HPSE2: variants seen among roughly 807,000 people sequenced by gnomAD.
HPSE2 encodes the protein inactive heparanase-2.
A neutral mutation model predicts 60.5 loss-of-function variants in HPSE2; 38 were observed. The observed-to-expected ratio is 0.63, with a 90% confidence interval of 0.48 to 0.82. The LOEUF is 0.82. Ranked by LOEUF, HPSE2 falls within the 40% of genes least tolerant of loss-of-function variation. HPSE2 has a pLI of 0.00. For synonymous variants in HPSE2, 295 were observed against 293.2 expected, an observed-to-expected ratio of 1.01 and a Z score of -0.06; for missense variants, 713 against 740.4, an observed-to-expected ratio of 0.96 and a Z score of 0.43.
intron 9 of HPSE2, among the ~76,000 whole-genome samples, chr10:98,546,519 T>C (rs1943681500): frequency 1.3e-5 from 2 of 151,892 alleles, no homozygotes; most frequent in Admixed American, 1.3e-4. Context: ...AACTATCTGA[T>C]CTTTGACAAA....
chr10:98,701,870 A>G (rs921244626), intron 5 of HPSE2, among the ~76,000 whole-genome samples: 3 of 152,160 alleles, frequency 2.0e-5, no homozygotes, highest in African/African-American at 7.2e-5. Flanking sequence ...AAATATAAAG[A>G]CCAATGACAC....
At chr10:98,905,213 G>C (rs1450344182) in intron 3 of HPSE2, among the ~76,000 whole-genome samples, 1 of 151,398 alleles carries the variant, frequency 6.6e-6, no homozygotes, top group Non-Finnish European at 1.5e-5. Flanking sequence ...ACATTGTGCA[G>C]TTTAGTTACA....
chr10:99,173,316 A>G (rs1289516004), intron 2 of HPSE2, among the ~76,000 whole-genome samples: 2 of 152,186 alleles, frequency 1.3e-5, no homozygotes, highest in African/African-American at 4.8e-5. Flanking sequence ...ATCTGCCACA[A>G]TAGATTAAGA....
chr10:98,933,766 C>G (rs1478786711), intron 3 of HPSE2, among the ~76,000 whole-genome samples: 6 of 138,740 alleles, frequency 4.3e-5, no homozygotes, highest in Non-Finnish European at 9.1e-5. Flanking sequence ...GAGTCTTGCT[C>G]TTTTGCCCAG....
At chr10:99,281,890 T>G in the HPSE2 span, among the ~76,000 whole-genome samples, 2 of 151,996 alleles carry the variant, frequency 1.3e-5, no homozygotes, top group African/African-American at 4.8e-5. Flanking sequence ...CTATATCCCA[T>G]GCAAACAGTA....
At chr10:98,683,721 C>A (rs1947842903) in intron 6 of HPSE2, among the ~76,000 whole-genome samples, 1 of 151,700 alleles carries the variant, frequency 6.6e-6, no homozygotes, top group Admixed American at 6.6e-5. Context: ...ATAAAAATTT[C>A]AGAAGGAATG....
intron 3 of HPSE2, among the ~76,000 whole-genome samples, chr10:98,958,620 C>A (rs1955569507): frequency 6.6e-6 from 1 of 151,970 alleles, no homozygotes. Flanking sequence ...ACTATAGATT[C>A]TTTAACTAAA....
At chr10:98,985,144 C>G (rs1460103839) in intron 3 of HPSE2, among the ~76,000 whole-genome samples, 1 of 152,142 alleles carries the variant, frequency 6.6e-6, no homozygotes, top group Non-Finnish European at 1.5e-5. Flanking sequence ...CAGAGAACGC[C>G]ACAAAGATAC....
chr10:99,202,294 C>A (rs1237535379), intron 2 of HPSE2, among the ~76,000 whole-genome samples: 5 of 152,098 alleles, frequency 3.3e-5, no homozygotes, highest in Non-Finnish European at 7.4e-5. Flanking sequence ...GGATCGTTAG[C>A]CCCTATTTGG....
At chr10:98,724,077 T>C (rs1048617064) in intron 4 of HPSE2, among the ~76,000 whole-genome samples, 4 of 150,770 alleles carry the variant, frequency 2.7e-5, no homozygotes, top group East Asian at 1.9e-4. Flanking sequence ...TTTTAGATCT[T>C]TCCTGCTTTC....
intron 2 of HPSE2, among the ~76,000 whole-genome samples, chr10:99,165,239 A>C (rs956994683): frequency 5.3e-5 from 8 of 152,120 alleles, no homozygotes; most frequent in African/African-American, 1.9e-4. Context: ...TTGCTAACCC[A>C]TACTCCTTTA....
chr10:98,934,880 T>TAC (rs1954746993), intron 3 of HPSE2, among the ~76,000 whole-genome samples: 1 of 143,676 alleles, frequency 7.0e-6, no homozygotes, highest in Non-Finnish European at 1.5e-5. Flanking sequence ...AAGGGTGTTT[T>TAC]ACAACTTGGT....
intron 3 of HPSE2, among the ~76,000 whole-genome samples, chr10:98,749,860 G>T (rs531224850): frequency 2.1e-5 from 3 of 144,056 alleles, no homozygotes; most frequent in African/African-American, 7.6e-5. Context: ...GAGTTTATTG[G>T]GACATAACCT....
intron 3 of HPSE2, among the ~76,000 whole-genome samples, chr10:99,107,406 T>C (rs988753501): frequency 1.3e-5 from 2 of 152,178 alleles, no homozygotes; most frequent in African/African-American, 2.4e-5. Context: ...TTCTAGCCCT[T>C]TATCATGTCT....
chr10:98,558,245 C>T (rs1188730451), intron 9 of HPSE2, among the ~76,000 whole-genome samples: 3 of 152,112 alleles, frequency 2.0e-5, no homozygotes, highest in Non-Finnish European at 4.4e-5. Flanking sequence ...GTTCTATGAT[C>T]CTGCTACTCC....
intron 3 of HPSE2, among the ~76,000 whole-genome samples, chr10:99,105,072 AAAAAG>A (rs1454551360): frequency 2.6e-5 from 4 of 151,774 alleles, no homozygotes; most frequent in African/African-American, 9.7e-5. Flanking sequence ...AAAAAAAAAA[AAAAAG>A]AAAAGCTAGG....
chr10:99,020,288 AACT>A (rs1464694800), intron 3 of HPSE2, among the ~76,000 whole-genome samples: 1 of 152,002 alleles, frequency 6.6e-6, no homozygotes, highest in African/African-American at 2.4e-5. Context: ...ATAATTCATA[AACT>A]ACTTATAATT....
intron 11 of HPSE2, among the ~76,000 whole-genome samples, chr10:98,475,467 C>T (rs1420600506): frequency 1.6e-5 from 2 of 123,654 alleles, no homozygotes; most frequent in Non-Finnish European, 3.3e-5. Context: ...CAAATTAGAT[C>T]ACTGAAGAAG....
intron 3 of HPSE2, among the ~76,000 whole-genome samples, chr10:98,867,876 A>T (rs957966261): frequency 4.6e-5 from 7 of 152,112 alleles, no homozygotes; most frequent in Non-Finnish European, 1.5e-5. Context: ...CCTGGCCAAC[A>T]TGGCGAAACC....
Sources: gnomAD v4.1 joint callset for allele counts (sites outside exome capture counted in the v4.1 genomes callset) on GRCh38, gnomAD v4.1.1 for gene constraint, MANE v1.5 for transcripts, NCBI Gene and HGNC (gene_info 2026-07-23, HGNC 2026-07-21) for gene names.